The following CREB5 variants were observed in gnomAD, a reference collection of about 807,000 sequenced individuals.
CREB5 encodes the protein cyclic AMP-responsive element-binding protein 5.
In CREB5, 19 loss-of-function variants were observed where a neutral mutation model predicts 57.1. The observed-to-expected ratio is 0.33, with a 90% confidence interval of 0.23 to 0.49. The LOEUF is 0.49. Among genes scored for constraint, CREB5 ranks in the 20% least tolerant of loss-of-function variants. The probability of loss-of-function intolerance (pLI) is 0.99; values close to 1 mark genes in which losing one functional copy is unlikely to be tolerated. For synonymous variants in CREB5, 238 were observed against 238.3 expected, an observed-to-expected ratio of 1.00 and a Z score of 0.01; for missense variants, 579 against 671.6, an observed-to-expected ratio of 0.86 and a Z score of 1.52.
At position 28,452,838 on chromosome 7, in the gene CREB5, G is replaced by A. The variant is rs139809647; in HGVS notation, c.4-35337G>A. Among the ~76,000 whole-genome samples the A allele has an allele frequency of 1.1e-3, 163 of 152,346 alleles. 1 individual carries two copies. Among genetic ancestry groups the A allele is most frequent in the African/African-American group, 3.7e-3 (153 of 41,586 alleles). ...TCCACAGAGCTTAGTCTCTGGCAGA[G>A]AGAGCAGGACAGAGAAAGACAGAGA... On this transcript the variant is annotated intron_variant, in intron 1 of 10. Coordinates refer to ENST00000357727, the MANE Select transcript of CREB5 (RefSeq NM_182898.4).
At chr7:28,470,053 T>C (rs141188474) in intron 1 of CREB5, among the ~76,000 whole-genome samples, 1 of 152,332 alleles carries the variant, frequency 6.6e-6, no homozygotes, top group Non-Finnish European at 1.5e-5. Flanking sequence ...CCCTCAGCAT[T>C]TATCTTTTGT....
chr7:28,489,811 A>G (rs1481079423), intron 2 of CREB5, among the ~76,000 whole-genome samples: 1 of 152,200 alleles, frequency 6.6e-6, no homozygotes, highest in African/African-American at 2.4e-5. Context: ...CAGTGCAAAA[A>G]TTATTTTGAA....
chr7:28,323,124 A>T (rs1785521613), intron 1 of CREB5, among the ~76,000 whole-genome samples: 2 of 152,146 alleles, frequency 1.3e-5, no homozygotes, highest in South Asian at 2.1e-4. Flanking sequence ...GTCACTAGGA[A>T]CATTAGCACC....
At chr7:28,782,952 T>C (rs1047685540) in intron 7 of CREB5, among the ~76,000 whole-genome samples, 10 of 152,110 alleles carry the variant, frequency 6.6e-5, no homozygotes, top group Non-Finnish European at 1.5e-4. Flanking sequence ...CGTGGTGCTG[T>C]GTGCATGAAA....
intron 1 of CREB5, among the ~76,000 whole-genome samples, chr7:28,469,215 G>T (rs571367092): frequency 2.6e-5 from 4 of 152,198 alleles, no homozygotes; most frequent in African/African-American, 9.6e-5. Context: ...GCAAGACCCT[G>T]TCTCTAAAAA....
chr7:28,732,856 T>TC (rs1803740623), intron 7 of CREB5, among the ~76,000 whole-genome samples: 2 of 151,684 alleles, frequency 1.3e-5, no homozygotes, highest in African/African-American at 4.8e-5. Context: ...TTTTTTTTTT[T>TC]CTTAAAACCC....
intron 7 of CREB5, among the ~76,000 whole-genome samples, chr7:28,762,412 T>A (rs979751542): frequency 1.3e-5 from 2 of 152,216 alleles, no homozygotes. Flanking sequence ...CTTTATTTTG[T>A]AACTTTATTA....
intron 2 of CREB5, among the ~76,000 whole-genome samples, chr7:28,491,613 C>T (rs975322600): frequency 6.6e-6 from 1 of 152,086 alleles, no homozygotes; most frequent in African/African-American, 2.4e-5. Flanking sequence ...TTCTAAAACT[C>T]GATGTCTTCA....
chr7:28,677,041 T>C (rs1327672042), intron 5 of CREB5, among the ~76,000 whole-genome samples: 1 of 152,188 alleles, frequency 6.6e-6, no homozygotes, highest in Non-Finnish European at 1.5e-5. Context: ...GAAAAGTCAC[T>C]ATAGCCAATG....
intron 1 of CREB5, among the ~76,000 whole-genome samples, chr7:28,394,974 T>C (rs1787307689): frequency 6.6e-6 from 1 of 152,160 alleles, no homozygotes; most frequent in African/African-American, 2.4e-5. Context: ...CATCAAACTA[T>C]CTTCCTTTCT....
intron 7 of CREB5, among the ~76,000 whole-genome samples, chr7:28,734,723 T>G (rs1190387177): frequency 6.6e-6 from 1 of 152,200 alleles, no homozygotes. Flanking sequence ...TTAAAATTTA[T>G]ACTAAATTGT....
chr7:28,758,990 C>T (rs1232752347), intron 7 of CREB5, among the ~76,000 whole-genome samples: 2 of 147,514 alleles, frequency 1.4e-5, no homozygotes, highest in Non-Finnish European at 3.1e-5. Flanking sequence ...ATGGTTCAGT[C>T]CTGAGCACCC....
intron 1 of CREB5, among the ~76,000 whole-genome samples, chr7:28,483,819 C>T (rs77448763): frequency 1.3e-5 from 2 of 152,146 alleles, no homozygotes; most frequent in East Asian, 1.9e-4. Flanking sequence ...ACTGAAAGCA[C>T]CTTTGACTTT....
chr7:28,576,768 T>C (rs1157351435), intron 5 of CREB5, among the ~76,000 whole-genome samples: 1 of 152,212 alleles, frequency 6.6e-6, no homozygotes, highest in Admixed American at 6.5e-5. Flanking sequence ...GCTTTGCCTG[T>C]GAGCTTTTCT....
chr7:28,719,791 G>T (rs1004966672), intron 6 of CREB5, among the ~76,000 whole-genome samples: 1 of 152,204 alleles, frequency 6.6e-6, no homozygotes, highest in African/African-American at 2.4e-5. Context: ...GCCAGGCGTG[G>T]TGGCTCTCGC....
At chr7:28,502,590 T>A (rs938838498) in intron 3 of CREB5, among the ~76,000 whole-genome samples, 27 of 152,234 alleles carry the variant, frequency 1.8e-4, no homozygotes, top group Admixed American at 8.5e-4. Context: ...TATCCTGTAA[T>A]TAGACTGGCC....
At chr7:28,768,075 G>C (rs1806106159) in intron 7 of CREB5, among the ~76,000 whole-genome samples, 1 of 152,104 alleles carries the variant, frequency 6.6e-6, no homozygotes, top group Non-Finnish European at 1.5e-5. Flanking sequence ...AGCCCTATTT[G>C]GCTAAAAATG....
intron 5 of CREB5, among the ~76,000 whole-genome samples, chr7:28,697,949 G>T (rs957236866): frequency 6.6e-6 from 1 of 152,034 alleles, no homozygotes; most frequent in African/African-American, 2.4e-5. Context: ...CAATTTTCTG[G>T]GTTCTCAAAA....
intron 5 of CREB5, among the ~76,000 whole-genome samples, chr7:28,700,507 TAAC>T (rs776732583): frequency 1.0e-3 from 154 of 152,318 alleles, no homozygotes; most frequent in Non-Finnish European, 1.4e-3. Flanking sequence ...AGTAAAAGTT[TAAC>T]AACAACAACA....
Sources: gnomAD v4.1 joint callset for allele counts (sites outside exome capture counted in the v4.1 genomes callset) on GRCh38, gnomAD v4.1.1 for gene constraint, MANE v1.5 for transcripts, NCBI Gene and HGNC (gene_info 2026-07-23, HGNC 2026-07-21) for gene names.